ABCB1: variants seen among roughly 807,000 people sequenced by gnomAD.
ABCB1 encodes the protein ATP binding cassette subfamily B member 1, also known as ATP-dependent translocase ABCB1.
A neutral mutation model predicts 142.0 loss-of-function variants in ABCB1; 69 were observed. The observed-to-expected ratio is 0.49, with a 90% CI of 0.40 to 0.59. The LOEUF (loss-of-function observed/expected upper bound fraction) is 0.59, where lower values mean the gene tolerates loss of function less well. Ranked by LOEUF, ABCB1 falls within the 20% of genes least tolerant of loss-of-function variation. ABCB1 has a pLI of 0.00. For synonymous variants in ABCB1, 532 were observed against 539.2 expected, an observed-to-expected ratio of 0.99 and a Z score of 0.18; for missense variants, 1,326 against 1,554.7, an observed-to-expected ratio of 0.85 and a Z score of 2.47.
At chr7:87,563,565 A>C (rs948181547) in intron 7 of ABCB1, among the ~76,000 whole-genome samples, 20 of 152,236 alleles carry the variant, frequency 1.3e-4, no homozygotes, top group African/African-American at 4.8e-4. Flanking sequence ...TGCTTATCTC[A>C]ATAGATGCAA....
intron 21 of ABCB1, among the ~76,000 whole-genome samples, chr7:87,528,127 C>A (rs923196268): frequency 6.6e-6 from 1 of 152,154 alleles, no homozygotes; most frequent in Non-Finnish European, 1.5e-5. Flanking sequence ...TCCCAGGATT[C>A]ATTTACCTCC....
chr7:87,702,175 G>C lies in ABCB1; in HGVS notation c.-331+10986C>G, dbSNP rs867184226. Among the ~76,000 whole-genome samples the C allele has an allele frequency of 5.7e-4, 58 of 102,630 alleles. 1 individual carries two copies. Among genetic ancestry groups the C allele is most frequent in the Non-Finnish European group, 8.5e-4 (43 of 50,724 alleles). 67.3% of individuals were successfully genotyped at this position (102,630 alleles called of 152,430 possible). On this transcript the variant is annotated intron_variant, in intron 1 of 28. Coordinates refer to the ABCB1 transcript ENST00000265724. ...AAAAAAAAAAAAAAAAAAAAAAACA[G>C]AGATACTTTTCTCACTAATTTTTTT...
chr7:87,629,021 G>A (rs868489383), intron 1 of ABCB1: 3 of 1,247,688 alleles, frequency 2.4e-6, no homozygotes, highest in Middle Eastern at 4.6e-4. Flanking sequence ...GGGTCCTTGG[G>A]GGTCCCGGGC....
intron 18 of ABCB1, 40 bp downstream of exon 18, chr7:87,541,317 C>T: frequency 1.6e-6 from 2 of 1,249,890 alleles, no homozygotes; most frequent in East Asian, 4.6e-5. Flanking sequence ...AATAATGATG[C>T]ATTTCTCAAA....
chr7:87,552,533 G>A (rs3789244), intron 9 of ABCB1, among the ~76,000 whole-genome samples: 3 of 151,580 alleles, frequency 2.0e-5, no homozygotes, highest in South Asian at 4.2e-4. Flanking sequence ...TGCCTCCAGT[G>A]TGTGAAGTAT....
upstream of ABCB1, among the ~76,000 whole-genome samples, chr7:87,602,351 T>C (rs1053134996): frequency 2.3e-4 from 33 of 143,902 alleles, no homozygotes; most frequent in Non-Finnish European, 4.3e-4. Context: ...AACAGGCCAC[T>C]ATTTTTTCCA....
intron 1 of ABCB1, among the ~76,000 whole-genome samples, chr7:87,650,121 A>G (rs1585001797): frequency 6.6e-6 from 1 of 152,214 alleles, no homozygotes; most frequent in Non-Finnish European, 1.5e-5. Context: ...AACTCTCAAA[A>G]GCATTTGAGT....
chr7:87,530,186 T>C (rs1815973151), intron 21 of ABCB1, among the ~76,000 whole-genome samples: 1 of 152,226 alleles, frequency 6.6e-6, no homozygotes, highest in Admixed American at 6.5e-5. Flanking sequence ...TGTGAGTCCC[T>C]GCCCTAACTC....
At chr7:87,561,210 A>C (rs2129777507) in intron 8 of ABCB1, 53 bp downstream of exon 8, 4 of 1,604,608 alleles carry the variant, frequency 2.5e-6, no homozygotes, top group Non-Finnish European at 8.5e-7. Flanking sequence ...TCTGAAGGGC[A>C]TTTGAGAAGA....
chr7:87,516,509 C>T lies in ABCB1; in HGVS notation c.3084G>A (p.Pro1028=), dbSNP rs2235044. The T allele has an allele frequency of 3.7e-5, 60 of 1,613,958 alleles. No homozygotes were observed. The highest frequency in any genetic ancestry group is 4.8e-5 in the Non-Finnish European group (57 of 1,180,000). Residue 1028 remains proline (P), a splice_region_variant and synonymous_variant, in exon 24 of 28, where the codon CCG becomes CCA. Transcript: ENST00000622132. ...IDSYSTEGLM[P]NTLEGNVTFG... ...CAAACAGTTGAAACATCAAACTCAC[C>T]GGCATTAGGCCTTCCGTGCTGTAGC...
chr7:87,594,814 CT>C (rs1263935862), intron 3 of ABCB1, among the ~76,000 whole-genome samples: 3 of 152,224 alleles, frequency 2.0e-5, no homozygotes, highest in African/African-American at 7.2e-5. Flanking sequence ...TGTTTTTTCC[CT>C]ACCTACAACT....
chr7:87,577,979 C>T (rs1368409441), intron 4 of ABCB1, among the ~76,000 whole-genome samples: 1 of 152,114 alleles, frequency 6.6e-6, no homozygotes, highest in East Asian at 1.9e-4. Context: ...GGGTATTACT[C>T]AAGAAATCTT....
At chr7:87,607,133 T>C (rs545530985) in intron 1 of ABCB1, among the ~76,000 whole-genome samples, 106 of 152,298 alleles carry the variant, frequency 7.0e-4, no homozygotes, top group Non-Finnish European at 1.2e-3. Flanking sequence ...CTGAAATAAC[T>C]GGATTCTAGC....
chr7:87,638,632 C>G (rs949902557), intron 1 of ABCB1, among the ~76,000 whole-genome samples: 1 of 150,278 alleles, frequency 6.7e-6, no homozygotes, highest in Non-Finnish European at 1.5e-5. Flanking sequence ...TTTGCTGAGA[C>G]TTTTCTTAAT....
intron 1 of ABCB1, among the ~76,000 whole-genome samples, chr7:87,675,225 C>G (rs1369034889): frequency 6.6e-6 from 1 of 152,250 alleles, no homozygotes; most frequent in Admixed American, 6.5e-5. Flanking sequence ...CTTCCTCCCT[C>G]TGTCCACTCT....
rs568807188 is a variant in ABCB1 at position 87,659,111 on chromosome 7, G to T, written c.-331+54050C>A. 97 of 300,148 alleles carry T rather than the reference G, an allele frequency of 3.2e-4. 1 individual carries two copies. Among genetic ancestry groups the T allele is most frequent in the South Asian group, 2.0e-3 (68 of 34,140 alleles). 18.6% of individuals were successfully genotyped at this position (300,148 alleles called of 1,614,324 possible). A position where few individuals can be genotyped will look rare whatever the true frequency, so the allele number is the denominator to read the frequency against. ...TGAGGCTGCAGTGAGCTGTGATCGT[G>T]CCATCATGCCACTGCAATCTAGCCT... On this transcript the variant is annotated intron_variant, in intron 1 of 28. Transcript: ENST00000265724.
chr7:87,568,242 C>CAACAATAATAATAATAATAACAATAAT (rs1554435536), intron 5 of ABCB1, among the ~76,000 whole-genome samples: 20 of 135,954 alleles, frequency 1.5e-4, no homozygotes, highest in African/African-American at 5.5e-4. Flanking sequence ...AAAAATACGA[C>CAACAATAATAATAATAATAACAATAAT]AATAATAATA....
At chr7:87,703,072 CATT>C (rs1266954617) in intron 1 of ABCB1, among the ~76,000 whole-genome samples, 2 of 152,006 alleles carry the variant, frequency 1.3e-5, no homozygotes, top group Non-Finnish European at 1.5e-5. Flanking sequence ...CAGAATGAAA[CATT>C]AAGTAGAAAA....
At chr7:87,608,539 C>T (rs559368406) in intron 1 of ABCB1, among the ~76,000 whole-genome samples, 1 of 152,318 alleles carries the variant, frequency 6.6e-6, no homozygotes, top group African/African-American at 2.4e-5. Flanking sequence ...TCCTCATTCT[C>T]TTAATTTATA....
Sources: allele counts gnomAD v4.1 joint callset (sites outside exome capture counted in the v4.1 genomes callset), GRCh38; gene constraint gnomAD v4.1.1; transcripts MANE v1.5; gene names NCBI Gene and HGNC (gene_info 2026-07-23, HGNC 2026-07-21).